TMEM30A: variants seen among roughly 807,000 people sequenced by gnomAD.
TMEM30A encodes the protein cell cycle control protein 50A.
In TMEM30A, 24 loss-of-function variants were observed where a neutral mutation model predicts 38.2. The ratio of observed to expected loss-of-function variants is 0.63; its 90% CI spans 0.46 to 0.88. TMEM30A has a LOEUF of 0.88. Among genes scored for constraint, TMEM30A ranks in the 40% least tolerant of loss-of-function variants. The pLI, the probability that TMEM30A is intolerant of heterozygous loss-of-function variation, is 0.00. For missense variants in TMEM30A, 370 were observed against 458.6 expected, an observed-to-expected ratio of 0.81 and a Z score of 1.77; for synonymous variants, 145 against 161.6, an observed-to-expected ratio of 0.90 and a Z score of 0.78.
chr6:75,282,051 G>A (rs1051853736), intron 1 of TMEM30A, among the ~76,000 whole-genome samples: 1 of 152,070 alleles, frequency 6.6e-6, no homozygotes, highest in Non-Finnish European at 1.5e-5. Flanking sequence ...TGTTTCAAAG[G>A]CAATACAATT....
intron 1 of TMEM30A, among the ~76,000 whole-genome samples, chr6:75,279,290 C>A (rs1411376498): frequency 1.3e-5 from 2 of 152,152 alleles, no homozygotes; most frequent in Non-Finnish European, 2.9e-5. Context: ...AACCACAACA[C>A]CCTTTATCAG....
intron 1 of TMEM30A, among the ~76,000 whole-genome samples, chr6:75,268,504 T>C (rs1400402560): frequency 6.6e-6 from 1 of 152,200 alleles, no homozygotes; most frequent in African/African-American, 2.4e-5. Flanking sequence ...CTCTAGACAC[T>C]GAAGTGAAGG....
At position 75,260,804 on chromosome 6, in the gene TMEM30A, T is replaced by A. The variant is rs368694518; in HGVS notation, c.541+20A>T. 1 of 1,464,342 alleles carries A rather than the reference T, an allele frequency of 6.8e-7. No individual in the cohort carries two copies. The highest frequency in any genetic ancestry group is 9.2e-7 in the Non-Finnish European group (1 of 1,083,064). 90.7% of individuals were successfully genotyped at this position (1,464,342 alleles called of 1,614,324 possible). A position where few individuals can be genotyped will look rare whatever the true frequency, so the allele number is the denominator to read the frequency against. ...AAATTGTCCTAATTATATATGTCTA[T>A]ATTTGTATCTATATCATACCATTAA... On this transcript the variant is annotated intron_variant, in intron 4 of 6. Transcript: ENST00000230461.
chr6:75,258,873 G>A lies in TMEM30A; in HGVS notation c.799C>T (p.Pro267Ser). 6.2e-7 allele frequency: 1 copy of A among 1,613,978 alleles called. No homozygotes were observed. Among genetic ancestry groups the A allele is most frequent in the Non-Finnish European group, 8.5e-7 (1 of 1,179,912 alleles). ...AGACGATACAACTTGCGAAAAGTAG[G>A]TAATGCTGCAGTACGCATCCAAACA... ...FIVWMRTAALPTFRKLYRLIE... is the reference protein window; with the variant it reads ...FIVWMRTAALSTFRKLYRLIE... Residue 267 changes from proline to serine, a missense_variant, in exon 6 of 7, where the codon CCT becomes TCT. Transcript: ENST00000230461.
At chr6:75,269,179 C>G (rs1380133623) in intron 1 of TMEM30A, among the ~76,000 whole-genome samples, 1 of 152,134 alleles carries the variant, frequency 6.6e-6, no homozygotes, top group Non-Finnish European at 1.5e-5. Context: ...CCAAAGCCCA[C>G]AGTTCACACT....
chr6:75,283,517 T>C (rs745608836), intron 1 of TMEM30A, among the ~76,000 whole-genome samples: 1 of 152,194 alleles, frequency 6.6e-6, no homozygotes, highest in Non-Finnish European at 1.5e-5. Flanking sequence ...CAGATAAAGA[T>C]ACTGTGCTTT....
chr6:75,281,268 A>G (rs1030307555), intron 1 of TMEM30A, among the ~76,000 whole-genome samples: 9 of 152,204 alleles, frequency 5.9e-5, no homozygotes, highest in African/African-American at 1.9e-4. Flanking sequence ...TAACCTCTGT[A>G]TCTCAGTCTC....
chr6:75,265,050 C>A (rs1296687173), intron 3 of TMEM30A, among the ~76,000 whole-genome samples, 181 bp downstream of exon 3: 1 of 151,350 alleles, frequency 6.6e-6, no homozygotes, highest in Admixed American at 6.6e-5. Context: ...TGAGCTGAGA[C>A]TGTGCCACTG....
Position 75,270,106 on chromosome 6 carries a change from G to A in TMEM30A, c.238-2358C>T, listed in dbSNP as rs562636229. ...GGTGTAAGTCACTGCGCCCAGCTGA[G>A]TATGTTTACTTTTGTAAGAAACTGC... On this transcript the variant is annotated intron_variant, in intron 1 of 6. Coordinates refer to ENST00000230461, the MANE Select transcript of TMEM30A (RefSeq NM_018247.4). 1.5e-3 allele frequency among the ~76,000 whole-genome samples: 229 copies of A among 152,230 alleles called. 1 individual carries two copies. Among genetic ancestry groups the A allele is most frequent in the Non-Finnish European group, 2.7e-3 (182 of 68,006 alleles).
intron 6 of TMEM30A, 131 bp from the exon 7 acceptor site, chr6:75,256,426 G>T: frequency 1.6e-6 from 1 of 623,612 alleles, no homozygotes; most frequent in Non-Finnish European, 2.5e-6. Flanking sequence ...TCACTCCTAC[G>T]TTCTAAATCA....
intron 1 of TMEM30A, among the ~76,000 whole-genome samples, chr6:75,282,879 T>C (rs1220116531): frequency 1.3e-5 from 2 of 152,190 alleles, no homozygotes; most frequent in East Asian, 3.8e-4. Context: ...GTAGCTGAGC[T>C]GGAATTTAAA....
chr6:75,260,436 C>A (rs240385), intron 4 of TMEM30A, among the ~76,000 whole-genome samples: 138,895 of 152,046 alleles, frequency 0.91, 63,679 homozygotes, highest in East Asian at 0.98. Context: ...AAAAAAAAGA[C>A]AGAAAATGTA....
chr6:75,276,035 T>C (rs1772254291), intron 1 of TMEM30A, among the ~76,000 whole-genome samples: 1 of 152,182 alleles, frequency 6.6e-6, no homozygotes, highest in Non-Finnish European at 1.5e-5. Context: ...CAACGGTCAA[T>C]TATTGAGTCA....
chr6:75,258,880 T>C lies in TMEM30A; in HGVS notation c.792A>G (p.Ala264=). 6.2e-7 allele frequency: 1 copy of C among 1,614,024 alleles called. No homozygotes were observed. Among genetic ancestry groups the C allele is most frequent in the Non-Finnish European group, 8.5e-7 (1 of 1,179,928 alleles). ...ACAACTTGCGAAAAGTAGGTAATGCTGCAGTACGCATCCAAACAATAAAAT... is the reference window on the plus strand; with the variant it reads ...ACAACTTGCGAAAAGTAGGTAATGCCGCAGTACGCATCCAAACAATAAAAT... ...NEDFIVWMRT[A]ALPTFRKLYR... The change falls in exon 6 of 7, where the codon GCA becomes GCG. Residue 264 remains alanine (A), a synonymous_variant. Coordinates refer to ENST00000230461, the MANE Select transcript of TMEM30A (RefSeq NM_018247.4).
chr6:75,256,411 G>T (rs1404782019), intron 6 of TMEM30A, 116 bp from the exon 7 acceptor site: 58 of 786,752 alleles, frequency 7.4e-5, no homozygotes, highest in Non-Finnish European at 1.1e-4. Context: ...GGATATACAG[G>T]TACCTCACTC....
chr6:75,264,607 G>A (rs1478073733), intron 3 of TMEM30A, among the ~76,000 whole-genome samples: 1 of 151,906 alleles, frequency 6.6e-6, no homozygotes, highest in African/African-American at 2.4e-5. Context: ...CTGCACTCCA[G>A]TCTGGGCAAT....
At chr6:75,277,197 A>C (rs1772276632) in intron 1 of TMEM30A, among the ~76,000 whole-genome samples, 1 of 151,876 alleles carries the variant, frequency 6.6e-6, no homozygotes, top group African/African-American at 2.4e-5. Context: ...GTGTGGAAAG[A>C]GAATACAGGA....
chr6:75,272,564 T>C (rs240401), intron 1 of TMEM30A: 140,019 of 152,284 alleles, frequency 0.92, 64,561 homozygotes, highest in East Asian at 0.98. Context: ...GTAAGGATGA[T>C]CCAAATGCAT....
intron 1 of TMEM30A, 116 bp downstream of exon 1, chr6:75,284,286 G>C: frequency 1.0e-6 from 1 of 964,662 alleles, no homozygotes; most frequent in Non-Finnish European, 1.6e-6. Flanking sequence ...GGGGGTGGTG[G>C]ACGGCGCGAG....
Sources: gnomAD v4.1 joint callset for allele counts (sites outside exome capture counted in the v4.1 genomes callset) on GRCh38, gnomAD v4.1.1 for gene constraint, MANE v1.5 for transcripts, NCBI Gene and HGNC (gene_info 2026-07-23, HGNC 2026-07-21) for gene names.